The following MBD1 variants were observed in gnomAD, a reference collection of about 807,000 sequenced individuals.
MBD1 encodes the protein methyl-CpG binding domain protein 1, also known as methyl-CpG-binding domain protein 1.
In MBD1, 25 loss-of-function variants were observed where a neutral mutation model predicts 82.6. That is an observed-to-expected ratio of 0.30 (90% CI 0.22 to 0.42). The LOEUF (loss-of-function observed/expected upper bound fraction) is 0.42, where lower values mean the gene tolerates loss of function less well. Among genes scored for constraint, MBD1 ranks in the 10% least tolerant of loss-of-function variants. The pLI is 1.00. For missense variants in MBD1, 627 were observed against 819.6 expected, an observed-to-expected ratio of 0.76 and a Z score of 2.87; for synonymous variants, 301 against 303.7, an observed-to-expected ratio of 0.99 and a Z score of 0.09.
chr18:50,280,016 G>C lies in MBD1; in HGVS notation c.-24C>G. Reference sequence around the variant, plus strand: ...ATGGAGGCCACAGGAAGCAGCAGTAGCCTGAAAGGGGGTGGAAGGGATGAG... The same window carrying C: ...ATGGAGGCCACAGGAAGCAGCAGTACCCTGAAAGGGGGTGGAAGGGATGAG... On this transcript the variant is annotated splice_region_variant and 5_prime_UTR_variant, in exon 2 of 17. Transcript: ENST00000269468. 1 of 1,602,008 alleles carries C rather than the reference G, an allele frequency of 6.2e-7. No individual in the cohort carries two copies. Among genetic ancestry groups the C allele is most frequent in the Non-Finnish European group, 8.5e-7 (1 of 1,178,988 alleles).
intron 13 of MBD1, 109 bp downstream of exon 13, chr18:50,273,225 C>G: frequency 6.8e-7 from 1 of 1,475,396 alleles, no homozygotes; most frequent in Non-Finnish European, 9.2e-7. Context: ...AGAAACGTCG[C>G]AATCAGCACA....
At chr18:50,272,429 T>C (rs140994927) in intron 15 of MBD1, 57 of 553,048 alleles carry the variant, frequency 1.0e-4, no homozygotes, top group Middle Eastern at 9.9e-4. Flanking sequence ...TCAAATCTCA[T>C]GATAGAGTAC....
In MBD1 at chr18:50,275,216, A is replaced by G; in HGVS notation, c.822T>C (p.Cys274=). ...GCCGCCTGGCAGCCATCTTGGAGTCACAGCCTCCCTTGCGGCGGGCATGTT... is the reference window on the plus strand; with the variant it reads ...GCCGCCTGGCAGCCATCTTGGAGTCGCAGCCTCCCTTGCGGCGGGCATGTT... ...RGKHARRKGG[C]DSKMAARRRP... The change falls in exon 9 of 17, where the codon TGT becomes TGC. Residue 274 remains cysteine, a synonymous_variant. Transcript: ENST00000269468. The G allele has an allele frequency of 6.2e-7, 1 of 1,614,158 alleles. No homozygotes were observed. Among genetic ancestry groups the G allele is most frequent in the Non-Finnish European group, 8.5e-7 (1 of 1,180,024 alleles).
chr18:50,267,672 CAATT>C, downstream of MBD1: 1 of 1,533,696 alleles, frequency 6.5e-7, no homozygotes, highest in Non-Finnish European at 8.7e-7. Context: ...ACCTAAAAGC[CAATT>C]AAGAATGACA....
Position 50,275,977 on chromosome 18 carries a change from A to G in MBD1, c.521T>C (p.Val174Ala), listed in dbSNP as rs1197926925. Residue 174 changes from valine (V) to alanine (A), a missense_variant, in exon 7 of 17, where the codon GTG becomes GCG. Around this residue, in one of 6 missense-constraint regions of MBD1, gnomAD observed 228 missense variants for 318.1 expected, o/e 0.72. Transcript: ENST00000269468. Reference protein sequence around the residue: ...FNREQRMFKRVGCGECAACQV... With the variant: ...FNREQRMFKRAGCGECAACQV... ...GCAGGCTGCACACTCCCCACAGCCC[A>G]CACGCTGCCAGGAATGGTAGGGACG... 6.2e-7 allele frequency: 1 copy of G among 1,612,466 alleles called. No homozygotes were observed. The highest frequency in any genetic ancestry group is 8.5e-7 in the Non-Finnish European group (1 of 1,179,988).
intron 1 of MBD1, among the ~76,000 whole-genome samples, chr18:50,280,511 C>T (rs1030696254): frequency 6.6e-6 from 1 of 151,914 alleles, no homozygotes; most frequent in African/African-American, 2.4e-5. Context: ...TTCCTAATTT[C>T]CCTCCTTCAG....
chr18:50,269,934 A>G, intron 16 of MBD1, 116 bp from the exon 17 acceptor site: 1 of 1,357,808 alleles, frequency 7.4e-7, no homozygotes, highest in African/African-American at 1.4e-5. Flanking sequence ...ACATATATAC[A>G]TAATCTTTAT....
Position 50,275,282 on chromosome 18 carries a change from G to T in MBD1, c.793-37C>A, listed in dbSNP as rs749574201. ...CAGAAAGGGTGGTTTCAGCTTGGTGGCACCAGGCAGACACAGAAACTCCCC... is the reference window on the plus strand; with the variant it reads ...CAGAAAGGGTGGTTTCAGCTTGGTGTCACCAGGCAGACACAGAAACTCCCC... On this transcript the variant is annotated intron_variant, in intron 8 of 16. Coordinates refer to ENST00000269468, the MANE Select transcript of MBD1 (RefSeq NM_015846.4). 4.4e-5 allele frequency: 71 copies of T among 1,605,484 alleles called. No individual in the cohort carries two copies. The South Asian group carries it at 7.7e-4, about 17-fold the overall frequency.
intron 1 of MBD1, 102 bp from the exon 2 acceptor site, chr18:50,280,119 A>C (rs1053414166): frequency 1.3e-5 from 16 of 1,225,748 alleles, no homozygotes; most frequent in Non-Finnish European, 1.7e-5. Context: ...TGCTTGCCCA[A>C]GCCCTAGGAC....
chr18:50,267,575 C>T (rs1436180405), downstream of MBD1: 3 of 1,511,736 alleles, frequency 2.0e-6, no homozygotes, highest in East Asian at 2.5e-5. Context: ...CCAGGCAGAA[C>T]AGGAAACACA....
intron 10 of MBD1, 114 bp from the exon 11 acceptor site, chr18:50,274,467 G>A (rs972084025): frequency 4.3e-6 from 5 of 1,161,264 alleles, no homozygotes; most frequent in South Asian, 1.5e-5. Context: ...GGAGCTACTT[G>A]CATACTAGTC....
downstream of MBD1, among the ~76,000 whole-genome samples, chr18:50,267,857 A>T (rs1383607192): frequency 6.6e-6 from 1 of 152,236 alleles, no homozygotes; most frequent in East Asian, 1.9e-4. Flanking sequence ...TAAACCACCC[A>T]CTTCGGATTT....
chr18:50,276,443 A>G (rs772224681), intron 5 of MBD1, 25 bp from the exon 6 acceptor site: 2 of 1,612,970 alleles, frequency 1.2e-6, no homozygotes, highest in Admixed American at 3.3e-5. Flanking sequence ...AGGGAAGAAG[A>G]AAAGTGGAAA....
At position 50,272,835 on chromosome 18, in the gene MBD1, C is replaced by T. The variant is rs762033295; in HGVS notation, c.1705G>A (p.Gly569Ser). 3 of 1,614,074 alleles carry T rather than the reference C, an allele frequency of 1.9e-6. No homozygotes were observed. In the African/African-American group the frequency reaches 4.0e-5, roughly 22 times the overall value. The change falls in exon 14 of 17, where the codon GGC becomes AGC. Residue 569 changes from glycine to serine, a missense_variant. Around this residue, in one of 6 missense-constraint regions of MBD1, gnomAD observed 265 missense variants for 278.4 expected, o/e 0.95. Coordinates refer to ENST00000269468, the MANE Select transcript of MBD1 (RefSeq NM_015846.4). Reference sequence around the variant, plus strand: ...TCCCCAGCACTGACCACGGGTGTGCCAGCCCCTCCTGCCTCTTCCTCTGGG... The same window carrying T: ...TCCCCAGCACTGACCACGGGTGTGCTAGCCCCTCCTGCCTCTTCCTCTGGG... ...LAPEEEAGGA[G>S]TPVITEIFSL...
downstream of MBD1, chr18:50,267,608 T>C: frequency 1.3e-6 from 2 of 1,535,822 alleles, no homozygotes; most frequent in Non-Finnish European, 1.7e-6. Flanking sequence ...AGGACGGACC[T>C]GCAGCACAGG....
downstream of MBD1, chr18:50,267,792 T>C (rs2034089463): frequency 3.0e-6 from 2 of 662,776 alleles, no homozygotes; most frequent in Non-Finnish European, 5.5e-6. Flanking sequence ...ACAACTAATG[T>C]GTATGCCCTC....
Position 50,279,892 on chromosome 18 carries a change from T to C in MBD1, c.101A>G (p.Tyr34Cys). 1 of 1,614,028 alleles carries C rather than the reference T, an allele frequency of 6.2e-7. No individual in the cohort carries two copies. Among genetic ancestry groups the C allele is most frequent in the Non-Finnish European group, 8.5e-7 (1 of 1,179,984 alleles). The change falls in exon 2 of 17, where the codon TAT becomes TGT. Residue 34 changes from tyrosine to cysteine, a missense_variant. Tyr to Cys is a radical substitution (Grantham distance 194). Around this residue, in one of 6 missense-constraint regions of MBD1, gnomAD observed 42 missense variants for 90.4 expected, o/e 0.46. Coordinates refer to ENST00000269468, the MANE Select transcript of MBD1 (RefSeq NM_015846.4). Reference protein sequence around the residue: ...SGATCGRSDTYYQSPTGDRIR... With the variant: ...SGATCGRSDTCYQSPTGDRIR... The stretch of plus-strand genomic sequence containing the variant: ...ACTACCCACCCAGTACCTCTGGTAA[T>C]AGGTGTCTGAGCGTCCACAGGTGGC...
Position 50,272,803 on chromosome 18 carries a change from T to TG in MBD1, c.1716+20dup, listed in dbSNP as rs755853961. The TG allele has an allele frequency of 1.4e-4, 229 of 1,613,004 alleles. 1 individual carries two copies. Among genetic ancestry groups the TG allele is most frequent in the Non-Finnish European group, 1.9e-4 (221 of 1,179,856 alleles). On this transcript the variant is annotated intron_variant, in intron 14 of 16. Transcript: ENST00000269468. ...GGGCTACAGCAGGGTCAGGGCAGGG[T>TG]GGGGCATCCCCAGCACTGACCACGG...
chr18:50,276,639 C>T (rs767484256), intron 5 of MBD1, 23 bp downstream of exon 5: 1 of 1,613,336 alleles, frequency 6.2e-7, no homozygotes, highest in East Asian at 2.2e-5. Context: ...CTCCCGATGC[C>T]CCATCCTCTG....
Sources: allele counts gnomAD v4.1 joint callset (sites outside exome capture counted in the v4.1 genomes callset), GRCh38; gene constraint gnomAD v4.1.1; regional missense constraint gnomAD v4.1.1; transcripts MANE v1.5; gene names NCBI Gene and HGNC (gene_info 2026-07-23, HGNC 2026-07-21).